Variants in OSBPL11 observed in about 807,000 individuals in gnomAD.
OSBPL11 encodes the protein oxysterol binding protein like 11.
Under a neutral mutation model 84.4 loss-of-function variants are expected in OSBPL11, and 33 were observed. The observed-to-expected ratio is 0.39, with a 90% CI of 0.30 to 0.52. OSBPL11 has a LOEUF of 0.52. OSBPL11 is among the 20% of genes least tolerant of loss of function. The pLI is 0.72. For synonymous variants in OSBPL11, 276 were observed against 310.2 expected, an observed-to-expected ratio of 0.89 and a Z score of 1.16; for missense variants, 736 against 901.1, an observed-to-expected ratio of 0.82 and a Z score of 2.35.
chr3:125,592,808 A>G (rs776130391), intron 1 of OSBPL11, among the ~76,000 whole-genome samples: 22 of 152,116 alleles, frequency 1.4e-4, no homozygotes, highest in Admixed American at 7.9e-4. Context: ...TAAAAAACAC[A>G]TATGTAGATG....
intron 1 of OSBPL11, among the ~76,000 whole-genome samples, chr3:125,589,089 C>T (rs77552947): frequency 6.6e-6 from 1 of 152,236 alleles, no homozygotes; most frequent in East Asian, 1.9e-4. Context: ...TGGCTCACGC[C>T]TGTAATCCCA....
chr3:125,557,501 C>T (rs1936009145), intron 8 of OSBPL11, among the ~76,000 whole-genome samples: 1 of 152,154 alleles, frequency 6.6e-6, no homozygotes, highest in Non-Finnish European at 1.5e-5. Context: ...CCTGCCTCAA[C>T]CTCCTGAGCA....
intron 1 of OSBPL11, among the ~76,000 whole-genome samples, chr3:125,588,221 CAAA>C (rs35794012): frequency 5.8e-5 from 3 of 51,630 alleles, no homozygotes; most frequent in Admixed American, 2.2e-4. Flanking sequence ...GACCCTGTCT[CAAA>C]AAAAAAAAAA....
chr3:125,547,721 A>G (rs1209834915), intron 9 of OSBPL11, 129 bp from the exon 10 acceptor site: 2 of 678,360 alleles, frequency 2.9e-6, no homozygotes, highest in Non-Finnish European at 4.8e-6. Flanking sequence ...TTAACTTTCA[A>G]TGAAACTGAC....
At chr3:125,546,512 A>C (rs571919101) in intron 10 of OSBPL11, among the ~76,000 whole-genome samples, 1 of 152,164 alleles carries the variant, frequency 6.6e-6, no homozygotes, top group South Asian at 2.1e-4. Context: ...TTGTATTTTT[A>C]GTAGAGACGG....
chr3:125,576,330 A>G lies in OSBPL11; in HGVS notation c.525T>C (p.Leu175=). Residue 175 remains leucine, a synonymous_variant, in exon 5 of 13, where the codon CTT becomes CTC. Coordinates refer to ENST00000296220, the MANE Select transcript of OSBPL11 (RefSeq NM_022776.5). ...NPPLKSRSFS[L]ASSSNSPISQ... ...ATATAGGAGAATTACTACTAGATGC[A>G]AGTGAGAAGCTCCGTGACTTCAGAG... 2 of 1,598,818 alleles carry G rather than the reference A, an allele frequency of 1.3e-6. No individual in the cohort carries two copies. Among genetic ancestry groups the G allele is most frequent in the Non-Finnish European group, 1.7e-6 (2 of 1,176,260 alleles).
intron 10 of OSBPL11, among the ~76,000 whole-genome samples, chr3:125,544,523 A>G (rs1304397642): frequency 4.6e-5 from 7 of 152,228 alleles, no homozygotes; most frequent in Non-Finnish European, 2.9e-5. Flanking sequence ...CTAGGTGCTA[A>G]TATCTTAACC....
chr3:125,552,743 A>G (rs571330592), intron 8 of OSBPL11, 64 bp from the exon 9 acceptor site: 1 of 1,500,776 alleles, frequency 6.7e-7, no homozygotes, highest in African/African-American at 1.4e-5. Flanking sequence ...GTAGACAACT[A>G]TTCTCTCTCT....
chr3:125,537,540 T>A (rs1935660646), intron 11 of OSBPL11, among the ~76,000 whole-genome samples: 1 of 152,228 alleles, frequency 6.6e-6, no homozygotes, highest in African/African-American at 2.4e-5. Context: ...CTTTAAAAAT[T>A]CATTATTGCT....
intron 11 of OSBPL11, among the ~76,000 whole-genome samples, chr3:125,537,114 C>T (rs80237997): frequency 6.8e-6 from 1 of 147,424 alleles, no homozygotes. Flanking sequence ...GAGCCGAGAT[C>T]GCCCGACCAC....
chr3:125,567,439 G>T lies in OSBPL11; in HGVS notation c.823C>A (p.Leu275Ile). The change falls in exon 6 of 13, where the codon CTC (leucine) becomes ATC (isoleucine). Residue 275 changes from leucine to isoleucine, a missense_variant. Leu to Ile is a conservative substitution (Grantham distance 5, BLOSUM62 2). Transcript: ENST00000296220. ...TGATGTGATGCATGCTGTAACTGGA[G>T]AATATGAAAGCAGTCATTTAAGCAG... ...MNCLNDCFHI[L>I]QLQHASHQKG... 6.2e-7 allele frequency: 1 copy of T among 1,614,132 alleles called. No individual in the cohort carries two copies.
intron 6 of OSBPL11, among the ~76,000 whole-genome samples, chr3:125,567,031 A>G (rs1936166153): frequency 6.6e-6 from 1 of 152,178 alleles, no homozygotes; most frequent in Non-Finnish European, 1.5e-5. Flanking sequence ...CAAAACTCAA[A>G]AAATAATGCC....
At chr3:125,579,634 G>A (rs186248538) in intron 3 of OSBPL11, among the ~76,000 whole-genome samples, 15 of 152,192 alleles carry the variant, frequency 9.9e-5, no homozygotes, top group Non-Finnish European at 1.9e-4. Context: ...CACCTACACC[G>A]TTTTTCAGAG....
chr3:125,588,239 A>AAAG (rs937876776), intron 1 of OSBPL11, among the ~76,000 whole-genome samples: 1 of 151,736 alleles, frequency 6.6e-6, no homozygotes, highest in Non-Finnish European at 1.5e-5. Flanking sequence ...AAAAAAAAAA[A>AAAG]AAAGAGAAGT....
At chr3:125,568,908 G>A (rs1469025377) in intron 5 of OSBPL11, among the ~76,000 whole-genome samples, 1 of 151,972 alleles carries the variant, frequency 6.6e-6, no homozygotes, top group East Asian at 1.9e-4. Flanking sequence ...CTATATAGTG[G>A]ACAGACTCTT....
rs36041008 is a variant in OSBPL11 at position 125,560,427 on chromosome 3, G to A, written c.1107C>T (p.Val369=). 144 of 1,602,210 alleles carry A rather than the reference G, an allele frequency of 9.0e-5. 2 individuals are homozygous for A. In the African/African-American group the frequency reaches 1.2e-3, roughly 13 times the overall value. Residue 369 remains valine, a synonymous_variant, in exon 8 of 13, where the codon GTC becomes GTT. Transcript: ENST00000296220. ...DLGAVEEQRS[V]ILHLLSQLKL... ...TAAGCTGTGACAAGAGATGTAGGATGACACTACGTTGTTCTTCTACAGCTC... is the reference window on the plus strand; with the variant it reads ...TAAGCTGTGACAAGAGATGTAGGATAACACTACGTTGTTCTTCTACAGCTC...
intron 5 of OSBPL11, 86 bp downstream of exon 5, chr3:125,576,102 CA>C: frequency 1.6e-6 from 2 of 1,226,862 alleles, no homozygotes; most frequent in Non-Finnish European, 2.3e-6. Context: ...CCCTTGAAGA[CA>C]CAAACAGTAT....
At chr3:125,536,387 G>C (rs535626420) in intron 11 of OSBPL11, among the ~76,000 whole-genome samples, 1 of 152,214 alleles carries the variant, frequency 6.6e-6, no homozygotes, top group Admixed American at 6.5e-5. Context: ...GTAATATCAT[G>C]CATTAGTCAT....
chr3:125,536,483 A>G lies in OSBPL11; in HGVS notation c.2024+1968T>C, dbSNP rs142418462. Reference sequence around the variant, plus strand: ...ATTTTAAAAAATCACGTTCAATAATATAAGCACCAAGTTCACCAGAAAACT... The same window carrying G: ...ATTTTAAAAAATCACGTTCAATAATGTAAGCACCAAGTTCACCAGAAAACT... On this transcript the variant is annotated intron_variant, in intron 11 of 12. Transcript: ENST00000296220. Among the ~76,000 whole-genome samples, 98 of 152,320 alleles carry G rather than the reference A, an allele frequency of 6.4e-4. 1 individual carries two copies. In the East Asian group the frequency reaches 0.012, roughly 18 times the overall value.
Sources: allele counts gnomAD v4.1 joint callset (sites outside exome capture counted in the v4.1 genomes callset), GRCh38; gene constraint gnomAD v4.1.1; transcripts MANE v1.5; gene names NCBI Gene and HGNC (gene_info 2026-07-23, HGNC 2026-07-21).